PCDH9: variants seen among roughly 807,000 people sequenced by gnomAD.
The protein encoded by PCDH9 is protocadherin-9.
A neutral mutation model predicts 70.6 loss-of-function variants in PCDH9; 24 were observed. The ratio of observed to expected loss-of-function variants is 0.34; its 90% CI spans 0.25 to 0.48. The LOEUF (loss-of-function observed/expected upper bound fraction) is 0.48, where lower values mean the gene tolerates loss of function less well. Among genes scored for constraint, PCDH9 ranks in the 20% least tolerant of loss-of-function variants. The probability of loss-of-function intolerance (pLI) is 0.99; values close to 1 mark genes in which losing one functional copy is unlikely to be tolerated. For synonymous variants in PCDH9, 562 were observed against 558.5 expected, an observed-to-expected ratio of 1.01 and a Z score of -0.09; for missense variants, 1,281 against 1,503.6, an observed-to-expected ratio of 0.85 and a Z score of 2.45.
At chr13:66,711,405 A>G (rs1203987458) in intron 3 of PCDH9, among the ~76,000 whole-genome samples, 1 of 152,082 alleles carries the variant, frequency 6.6e-6, no homozygotes, top group Non-Finnish European at 1.5e-5. Flanking sequence ...AAAAAAAAAA[A>G]AAATTACCTG....
intron 4 of PCDH9, among the ~76,000 whole-genome samples, chr13:66,403,543 G>T (rs1202499831): frequency 6.6e-6 from 1 of 151,922 alleles, no homozygotes; most frequent in East Asian, 1.9e-4. Context: ...CTATAGCAGT[G>T]GTCTTCTATT....
chr13:66,527,714 C>A (rs1018016482), intron 4 of PCDH9, among the ~76,000 whole-genome samples: 1 of 152,050 alleles, frequency 6.6e-6, no homozygotes, highest in African/African-American at 2.4e-5. Flanking sequence ...AGGAACAGGT[C>A]ATTTATTAAA....
At chr13:66,311,430 T>G (rs1371697074) in intron 4 of PCDH9, among the ~76,000 whole-genome samples, 1 of 151,776 alleles carries the variant, frequency 6.6e-6, no homozygotes, top group Admixed American at 6.6e-5. Flanking sequence ...CAGCATAACT[T>G]TTTTTGTGGA....
chr13:66,961,350 GTT>G (rs2083341987), intron 2 of PCDH9, among the ~76,000 whole-genome samples: 4 of 152,116 alleles, frequency 2.6e-5, no homozygotes, highest in Non-Finnish European at 5.9e-5. Context: ...TCAACATTGT[GTT>G]CCCAATACCA....
chr13:66,998,249 A>T (rs1292241550), intron 2 of PCDH9, among the ~76,000 whole-genome samples: 1 of 152,180 alleles, frequency 6.6e-6, no homozygotes, highest in Non-Finnish European at 1.5e-5. Context: ...TAGCAAGGAG[A>T]TGATAATCTG....
chr13:66,650,223 T>C (rs1216220952), intron 3 of PCDH9, among the ~76,000 whole-genome samples: 1 of 151,892 alleles, frequency 6.6e-6, no homozygotes, highest in African/African-American at 2.4e-5. Context: ...CAATGATCTG[T>C]TGCCTGCAAT....
chr13:66,725,818 C>A (rs1422739976), intron 3 of PCDH9, among the ~76,000 whole-genome samples: 1 of 152,118 alleles, frequency 6.6e-6, no homozygotes, highest in Non-Finnish European at 1.5e-5. Context: ...TACCCAAAGG[C>A]AATAATCAAT....
Position 66,909,585 on chromosome 13 carries a change from T to C in PCDH9, c.3037-5980A>G, listed in dbSNP as rs1184383103. 2.6e-5 allele frequency among the ~76,000 whole-genome samples: 4 copies of C among 152,046 alleles called. No homozygotes were observed. In the East Asian group the frequency reaches 5.8e-4, roughly 22 times the overall value. On this transcript the variant is annotated intron_variant, in intron 2 of 4. Transcript: ENST00000377865. ...GAGATGGAGACCATCCTGGCTAACA[T>C]GGTGAAACCCCATCTCTACTGAAAA...
At chr13:67,154,617 C>G (rs1248953184) in intron 2 of PCDH9, among the ~76,000 whole-genome samples, 1 of 110,448 alleles carries the variant, frequency 9.1e-6, no homozygotes, top group Admixed American at 8.3e-5. Flanking sequence ...CACACACACA[C>G]ACACACACAC....
At chr13:66,424,409 T>C (rs1307905855) in intron 4 of PCDH9, among the ~76,000 whole-genome samples, 1 of 151,950 alleles carries the variant, frequency 6.6e-6, no homozygotes, top group Non-Finnish European at 1.5e-5. Flanking sequence ...TAAATGCCTT[T>C]CCCTAGAGTT....
chr13:66,868,502 A>C (rs2081614202), intron 3 of PCDH9, among the ~76,000 whole-genome samples: 1 of 151,832 alleles, frequency 6.6e-6, no homozygotes, highest in Non-Finnish European at 1.5e-5. Flanking sequence ...TATTTGAGGA[A>C]CATCAACCAT....
chr13:66,710,803 A>AT (rs1287771069), intron 3 of PCDH9, among the ~76,000 whole-genome samples: 1 of 151,832 alleles, frequency 6.6e-6, no homozygotes, highest in Non-Finnish European at 1.5e-5. Flanking sequence ...TCATTGGCTC[A>AT]TGAGTCTTTC....
chr13:67,226,898 A>C lies in PCDH9; in HGVS notation c.1543T>G (p.Phe515Val), dbSNP rs1212135499. 7.4e-6 allele frequency: 12 copies of C among 1,614,102 alleles called. No individual in the cohort carries two copies. The highest frequency in any genetic ancestry group is 1.0e-5 in the Non-Finnish European group (12 of 1,180,034). Residue 515 changes from phenylalanine to valine, a missense_variant, in exon 2 of 5, where the codon TTT (phenylalanine) becomes GTT (valine). Physicochemically the swap from Phe to Val is conservative, Grantham distance 50 (BLOSUM62 -1). Coordinates refer to ENST00000377865, the MANE Select transcript of PCDH9 (RefSeq NM_203487.3). This position sits in a 1 kb window ranked among gnomAD's most constrained non-coding sequence, Gnocchi z 5.0. ...ACTCCTGTTTTTCGGTCCAGATCAAAGAAGGAGGCATTCGGTCCAAGCTGA... is the reference window on the plus strand; with the variant it reads ...ACTCCTGTTTTTCGGTCCAGATCAACGAAGGAGGCATTCGGTCCAAGCTGA... Reference protein sequence around the residue: ...VYQLGPNASFFDLDRKTGVLT... With the variant: ...VYQLGPNASFVDLDRKTGVLT...
intron 4 of PCDH9, among the ~76,000 whole-genome samples, chr13:66,386,815 T>TA (rs1221111398): frequency 6.6e-6 from 1 of 152,108 alleles, no homozygotes; most frequent in Non-Finnish European, 1.5e-5. Flanking sequence ...GACAGAGAAC[T>TA]AAAAAATAGG....
intron 3 of PCDH9, among the ~76,000 whole-genome samples, chr13:66,822,422 A>G (rs1174141449): frequency 6.6e-6 from 1 of 152,166 alleles, no homozygotes; most frequent in Non-Finnish European, 1.5e-5. Context: ...AGTCATTATA[A>G]AAGATGTTTC....
chr13:66,443,761 G>C (rs1444255308), intron 4 of PCDH9, among the ~76,000 whole-genome samples: 3 of 152,034 alleles, frequency 2.0e-5, no homozygotes, highest in Admixed American at 1.3e-4. Flanking sequence ...ATAAAGATAA[G>C]TAATTTGAAA....
intron 2 of PCDH9, among the ~76,000 whole-genome samples, chr13:67,042,444 C>A (rs1294069870): frequency 1.3e-5 from 2 of 151,680 alleles, no homozygotes; most frequent in East Asian, 3.9e-4. Flanking sequence ...TCAGATCATG[C>A]CAAAGGAGAA....
At chr13:67,167,431 C>T (rs1013402978) in intron 2 of PCDH9, among the ~76,000 whole-genome samples, 1 of 152,118 alleles carries the variant, frequency 6.6e-6, no homozygotes, top group African/African-American at 2.4e-5. Flanking sequence ...AGGACTATAT[C>T]ATATAACTCT....
chr13:66,948,978 T>C (rs1197480954), intron 2 of PCDH9, among the ~76,000 whole-genome samples: 1 of 152,120 alleles, frequency 6.6e-6, no homozygotes, highest in Non-Finnish European at 1.5e-5. Context: ...CGATTTAATC[T>C]AGCATACATG....
Sources: allele counts gnomAD v4.1 joint callset (sites outside exome capture counted in the v4.1 genomes callset), GRCh38; gene constraint gnomAD v4.1.1; non-coding constraint Gnocchi (gnomAD v3.1); transcripts MANE v1.5; gene names NCBI Gene and HGNC (gene_info 2026-07-23, HGNC 2026-07-21).